The following SEL1L variants were observed in gnomAD, a reference collection of about 807,000 sequenced individuals.
The protein encoded by SEL1L is SEL1L adaptor subunit of SYVN1 ubiquitin ligase.
Under a neutral mutation model 109.8 loss-of-function variants are expected in SEL1L, and 52 were observed. The ratio of observed to expected loss-of-function variants is 0.47; its 90% CI spans 0.38 to 0.60. The LOEUF is 0.60. Among genes scored for constraint, SEL1L ranks in the 20% least tolerant of loss-of-function variants. The pLI, the probability that SEL1L is intolerant of heterozygous loss-of-function variation, is 0.00. For missense variants in SEL1L, 749 were observed against 962.2 expected (o/e 0.78, Z 2.93); for synonymous variants, 373 against 339.6 (o/e 1.10, Z -1.08).
chr14:81,520,185 A>C (rs977445162), intron 3 of SEL1L, among the ~76,000 whole-genome samples: 1 of 152,228 alleles, frequency 6.6e-6, no homozygotes, highest in Non-Finnish European at 1.5e-5. Context: ...ATATATATGC[A>C]TAAGTACTTA....
At chr14:81,477,302 A>ACTGTGTGT in intron 20 of SEL1L, 121 bp from the exon 21 acceptor site, 11 of 403,960 alleles carry the variant, frequency 2.7e-5, no homozygotes, top group East Asian at 5.2e-5. Context: ...AACGTTTTGC[A>ACTGTGTGT]ATGTGTGTGT....
At chr14:81,527,538 C>T (rs1221013564) in intron 2 of SEL1L, among the ~76,000 whole-genome samples, 163 bp downstream of exon 2, 2 of 151,862 alleles carry the variant, frequency 1.3e-5, no homozygotes, top group African/African-American at 4.8e-5. Context: ...TTTTTTCTTC[C>T]TCCAGAAAAA....
chr14:81,506,908 T>G (rs1196142641), intron 3 of SEL1L, among the ~76,000 whole-genome samples: 1 of 152,196 alleles, frequency 6.6e-6, no homozygotes, highest in African/African-American at 2.4e-5. Context: ...CACAACTTAC[T>G]GCCTAGCCAG....
chr14:81,515,799 C>T (rs2140042828), intron 3 of SEL1L, among the ~76,000 whole-genome samples: 1 of 152,202 alleles, frequency 6.6e-6, no homozygotes, highest in South Asian at 2.1e-4. Context: ...CAAAAGTGAG[C>T]CCTGGGCCCC....
At position 81,502,166 on chromosome 14, in the gene SEL1L, T is replaced by G. The variant is rs1324458183; in HGVS notation, c.777+555A>C. On this transcript the variant is annotated intron_variant, in intron 6 of 20. Coordinates refer to ENST00000336735, the MANE Select transcript of SEL1L (RefSeq NM_005065.6). ...GGTGAAGTTCCAGAACAATAGACAG[T>G]GATATCTCATTTTAATAAAAATATC... 2.0e-5 allele frequency among the ~76,000 whole-genome samples: 3 copies of G among 152,134 alleles called. No individual in the cohort carries two copies. The East Asian group carries it at 5.8e-4, about 29-fold the overall frequency.
In SEL1L at chr14:81,486,282, A is replaced by G; in HGVS notation, c.1798+7T>C. 1 of 1,613,992 alleles carries G rather than the reference A, an allele frequency of 6.2e-7. No homozygotes were observed. The highest frequency in any genetic ancestry group is 8.5e-7 in the Non-Finnish European group (1 of 1,179,938). The stretch of plus-strand genomic sequence containing the variant: ...TAAACCTAAGGCAGGACTAAAATGA[A>G]CCTTACTCTGATCAAGAATAAAGGC... On this transcript the variant is annotated splice_region_variant and intron_variant, in intron 17 of 20. Coordinates refer to ENST00000336735, the MANE Select transcript of SEL1L (RefSeq NM_005065.6).
At chr14:81,503,283 T>C (rs1884092403) in intron 5 of SEL1L, among the ~76,000 whole-genome samples, 2 of 152,236 alleles carry the variant, frequency 1.3e-5, no homozygotes, top group Non-Finnish European at 2.9e-5. Context: ...AGCCACCCCC[T>C]CTGATAATCT....
Position 81,496,273 on chromosome 14 carries a change from G to A in SEL1L, c.1129-1136C>T, listed in dbSNP as rs143176658. ...TGGGAGGCGGGGCTTGCAGTGAGCC[G>A]AGATTGCACCACTGCACTCCAGCCT... On this transcript the variant is annotated intron_variant, in intron 10 of 20. Transcript: ENST00000336735. 5.3e-3 allele frequency among the ~76,000 whole-genome samples: 809 copies of A among 152,200 alleles called. 4 individuals are homozygous for A. Among genetic ancestry groups the A allele is most frequent in the Admixed American group, 8.7e-3 (133 of 15,290 alleles).
intron 3 of SEL1L, among the ~76,000 whole-genome samples, chr14:81,518,703 A>ATGTAAG (rs144820243): frequency 6.6e-6 from 1 of 151,056 alleles, no homozygotes; most frequent in African/African-American, 2.5e-5. Flanking sequence ...AGAAAGGTTA[A>ATGTAAG]AACTTAGGGA....
intron 11 of SEL1L, among the ~76,000 whole-genome samples, chr14:81,492,926 G>A (rs1883603062): frequency 6.6e-6 from 1 of 152,164 alleles, no homozygotes; most frequent in Non-Finnish European, 1.5e-5. Flanking sequence ...TGGGAGAAAG[G>A]AAAAACTAGA....
At chr14:81,504,589 G>C (rs910751383) in intron 4 of SEL1L, among the ~76,000 whole-genome samples, 5 of 151,978 alleles carry the variant, frequency 3.3e-5, no homozygotes, top group African/African-American at 1.2e-4. Context: ...TGTTGGTAAT[G>C]CTAACTTTTT....
chr14:81,510,508 CTCTCTCTATA>C (rs549400193), intron 3 of SEL1L, among the ~76,000 whole-genome samples: 1,590 of 116,370 alleles, frequency 0.014, 12 homozygotes, highest in Non-Finnish European at 0.02. Flanking sequence ...CTCTCTCTCT[CTCTCTCTATA>C]TATATATATA....
rs7159559 is a variant in SEL1L at position 81,504,319 on chromosome 14, C to T, written c.509-13G>A. 7.8e-4 allele frequency: 1,213 copies of T among 1,550,182 alleles called. 8 individuals carry two copies. In the African/African-American group the frequency reaches 0.015, roughly 19 times the overall value. On this transcript the variant is annotated splice_polypyrimidine_tract_variant and intron_variant, in intron 4 of 20. Coordinates refer to ENST00000336735, the MANE Select transcript of SEL1L (RefSeq NM_005065.6). ...GCCTCTTCTTCAGCTAAAAACAAAA[C>T]GTCAGATGCATTTAAATGGATTTTA...
intron 3 of SEL1L, 119 bp downstream of exon 3, chr14:81,526,614 T>C (rs1885123455): frequency 1.0e-5 from 8 of 763,088 alleles, no homozygotes; most frequent in East Asian, 2.5e-5. Context: ...CTACACTCCA[T>C]ATATTATTTG....
At chr14:81,478,316 C>T (rs1323885520) in intron 20 of SEL1L, among the ~76,000 whole-genome samples, 1 of 152,018 alleles carries the variant, frequency 6.6e-6, no homozygotes, top group East Asian at 1.9e-4. Flanking sequence ...GTTTGACTTT[C>T]TTATGATCGA....
intron 1 of SEL1L, among the ~76,000 whole-genome samples, chr14:81,530,728 T>C (rs1885288810): frequency 6.6e-6 from 1 of 152,244 alleles, no homozygotes; most frequent in African/African-American, 2.4e-5. Flanking sequence ...TTTCTAATAT[T>C]AGCCATGTGT....
At chr14:81,517,258 T>A (rs1884737526) in intron 3 of SEL1L, among the ~76,000 whole-genome samples, 1 of 152,148 alleles carries the variant, frequency 6.6e-6, no homozygotes, top group South Asian at 2.1e-4. Context: ...CTGCTTTTAG[T>A]CCTGCTGGCT....
chr14:81,499,211 A>C, intron 8 of SEL1L: 2 of 1,200,056 alleles, frequency 1.7e-6, no homozygotes, highest in Non-Finnish European at 2.1e-6. Flanking sequence ...CATTTATCAG[A>C]TCTCTCTTTT....
chr14:81,512,657 C>CCTAT (rs1884533349), intron 3 of SEL1L, among the ~76,000 whole-genome samples: 1 of 152,190 alleles, frequency 6.6e-6, no homozygotes, highest in Non-Finnish European at 1.5e-5. Context: ...TCCTGAACTG[C>CCTAT]CTATCTGTGA....
Sources: gnomAD v4.1 joint callset for allele counts (sites outside exome capture counted in the v4.1 genomes callset) on GRCh38, gnomAD v4.1.1 for gene constraint, MANE v1.5 for transcripts, NCBI Gene and HGNC (gene_info 2026-07-23, HGNC 2026-07-21) for gene names.